Variants in EPB41 observed in about 807,000 individuals in gnomAD.
EPB41 encodes erythrocyte membrane protein band 4.1, also known as protein 4.1.
In EPB41, 65 loss-of-function variants were observed where a neutral mutation model predicts 108.0. That is an observed-to-expected ratio of 0.60 (90% CI 0.49 to 0.74). EPB41 has a LOEUF of 0.74. EPB41 is among the 30% of genes least tolerant of loss of function. The probability of loss-of-function intolerance (pLI) is 0.00; values close to 1 mark genes in which losing one functional copy is unlikely to be tolerated. For synonymous variants in EPB41, 336 were observed against 358.9 expected (o/e 0.94, Z 0.72); for missense variants, 875 against 1,037.0 (o/e 0.84, Z 2.15).
At chr1:29,081,252 G>A (rs1163596068) in intron 16 of EPB41, among the ~76,000 whole-genome samples, 1 of 152,190 alleles carries the variant, frequency 6.6e-6, no homozygotes, top group Non-Finnish European at 1.5e-5. Flanking sequence ...TACAACAGAT[G>A]TAGTTGTCAC....
intron 1 of EPB41, among the ~76,000 whole-genome samples, chr1:28,893,997 C>T (rs1187636976): frequency 1.3e-5 from 2 of 152,136 alleles, no homozygotes; most frequent in African/African-American, 4.8e-5. Flanking sequence ...ATAAGCAGGG[C>T]CTACCAATTA....
At chr1:28,963,534 A>C (rs1042543056) in intron 1 of EPB41, among the ~76,000 whole-genome samples, 1 of 152,172 alleles carries the variant, frequency 6.6e-6, no homozygotes. Context: ...ATGAGCAGTA[A>C]CTCAGCCTAA....
intron 5 of EPB41, among the ~76,000 whole-genome samples, chr1:29,013,929 T>C (rs961725290): frequency 2.0e-5 from 3 of 150,442 alleles, no homozygotes; most frequent in African/African-American, 7.4e-5. Context: ...AATGTAAGAG[T>C]CCTCTAAATC....
chr1:28,937,301 T>G (rs2094074136), intron 1 of EPB41, among the ~76,000 whole-genome samples: 1 of 152,254 alleles, frequency 6.6e-6, no homozygotes, highest in African/African-American at 2.4e-5. Flanking sequence ...TTCCATAGAC[T>G]AAACCTTTAT....
intron 1 of EPB41, among the ~76,000 whole-genome samples, chr1:28,919,233 C>T (rs2092900487): frequency 6.6e-6 from 1 of 152,114 alleles, no homozygotes; most frequent in African/African-American, 2.4e-5. Flanking sequence ...TGAATTGTAT[C>T]CACTTAAAAT....
At chr1:29,055,493 G>A (rs1645198732) in intron 12 of EPB41, among the ~76,000 whole-genome samples, 1 of 152,012 alleles carries the variant, frequency 6.6e-6, no homozygotes, top group African/African-American at 2.4e-5. Flanking sequence ...TCCATTTTAA[G>A]TGCCAATAGG....
At chr1:29,032,679 A>T (rs2096804623) in intron 8 of EPB41, among the ~76,000 whole-genome samples, 1 of 152,174 alleles carries the variant, frequency 6.6e-6, no homozygotes, top group Admixed American at 6.5e-5. Context: ...ATATGATTTC[A>T]TTGTGCCTTA....
At chr1:28,902,634 C>T in intron 1 of EPB41, among the ~76,000 whole-genome samples, 1 of 152,192 alleles carries the variant, frequency 6.6e-6, no homozygotes, top group East Asian at 1.9e-4. Context: ...CACAACACCC[C>T]TGGGTCTCTA....
chr1:29,061,469 CTG>C (rs1646508249), intron 15 of EPB41, among the ~76,000 whole-genome samples: 1 of 150,352 alleles, frequency 6.7e-6, no homozygotes, highest in Non-Finnish European at 1.5e-5. Flanking sequence ...CGGGGTTTCA[CTG>C]TGTTAGCCAG....
At chr1:28,955,349 CT>C (rs34535420) in intron 1 of EPB41, among the ~76,000 whole-genome samples, 25,703 of 147,246 alleles carry the variant, frequency 0.17, 2,683 homozygotes, top group East Asian at 0.48. Context: ...TTTCTTTATT[CT>C]TTTTTTTTTT....
intron 3 of EPB41, among the ~76,000 whole-genome samples, 191 bp downstream of exon 3, chr1:28,993,733 T>C (rs2096084407): frequency 1.3e-5 from 2 of 149,464 alleles, no homozygotes; most frequent in African/African-American, 4.9e-5. Flanking sequence ...CTTGGCTCAC[T>C]GTAGCCCCCA....
chr1:29,022,734 A>T (rs2150133342), intron 7 of EPB41, among the ~76,000 whole-genome samples: 1 of 152,132 alleles, frequency 6.6e-6, no homozygotes, highest in African/African-American at 2.4e-5. Context: ...AAAAAAAGAA[A>T]AAAGAGTGTT....
chr1:28,959,727 G>A (rs916400756), intron 1 of EPB41, among the ~76,000 whole-genome samples: 3 of 152,092 alleles, frequency 2.0e-5, no homozygotes, highest in African/African-American at 7.2e-5. Flanking sequence ...GCAAGTGATT[G>A]GGTTTAACTA....
intron 16 of EPB41, among the ~76,000 whole-genome samples, chr1:29,092,509 A>G (rs566295394): frequency 6.6e-6 from 1 of 152,206 alleles, no homozygotes; most frequent in East Asian, 1.9e-4. Context: ...GCACATGCAG[A>G]TGTCACTTGC....
chr1:29,075,720 T>C (rs917679334), intron 16 of EPB41, among the ~76,000 whole-genome samples: 1 of 152,162 alleles, frequency 6.6e-6, no homozygotes, highest in African/African-American at 2.4e-5. Flanking sequence ...ATAAAACACA[T>C]AGAAAAATAT....
At chr1:29,111,527 C>T (rs1669159131) in intron 18 of EPB41, among the ~76,000 whole-genome samples, 2 of 152,010 alleles carry the variant, frequency 1.3e-5, no homozygotes, top group Admixed American at 1.3e-4. Flanking sequence ...GTGGCAGGCG[C>T]CTGTAGTCCC....
At chr1:29,065,241 A>T in intron 16 of EPB41, 83 bp downstream of exon 16, 1 of 1,442,132 alleles carries the variant, frequency 6.9e-7, no homozygotes. Context: ...TCTGAGAGAA[A>T]GCTTAGAGCT....
At chr1:29,037,993 C>T (rs1209724373) in intron 10 of EPB41, among the ~76,000 whole-genome samples, 2 of 152,098 alleles carry the variant, frequency 1.3e-5, no homozygotes, top group Non-Finnish European at 2.9e-5. Flanking sequence ...CCCCTACTTC[C>T]GAGATTATTT....
At chr1:29,086,817 A>G (rs1181135863) in intron 16 of EPB41, among the ~76,000 whole-genome samples, 1 of 152,184 alleles carries the variant, frequency 6.6e-6, no homozygotes, top group Non-Finnish European at 1.5e-5. Context: ...GTGTGGGGAT[A>G]AAATTACTAC....
Sources: allele counts gnomAD v4.1 joint callset (sites outside exome capture counted in the v4.1 genomes callset), GRCh38; gene constraint gnomAD v4.1.1; transcripts MANE v1.5; gene names NCBI Gene and HGNC (gene_info 2026-07-23, HGNC 2026-07-21).